PCCA: variants seen among roughly 807,000 people sequenced by gnomAD.
The protein encoded by PCCA is propionyl-CoA carboxylase alpha chain, mitochondrial.
In PCCA, 74 loss-of-function variants were observed where a neutral mutation model predicts 101.3. The observed-to-expected ratio is 0.73, with a 90% CI of 0.61 to 0.89. The LOEUF is 0.89. PCCA is among the 40% of genes least tolerant of loss of function. PCCA has a pLI of 0.00. For missense variants in PCCA, 891 were observed against 907.0 expected (o/e 0.98, Z 0.23); for synonymous variants, 294 against 313.6 (o/e 0.94, Z 0.66).
intron 16 of PCCA, among the ~76,000 whole-genome samples, chr13:100,310,556 T>C (rs1398388078): frequency 6.6e-6 from 1 of 152,186 alleles, no homozygotes; most frequent in African/African-American, 2.4e-5. Context: ...ATCTGGGCAG[T>C]TTGTCAAAAT....
intron 17 of PCCA, among the ~76,000 whole-genome samples, chr13:100,337,386 C>T (rs906736056): frequency 2.0e-5 from 3 of 152,128 alleles, no homozygotes; most frequent in East Asian, 1.9e-4. Context: ...CAGTGGAGAC[C>T]GTTCAAAGGG....
intron 19 of PCCA, among the ~76,000 whole-genome samples, chr13:100,384,951 G>GT (rs1662883644): frequency 1.3e-5 from 2 of 151,990 alleles, no homozygotes; most frequent in Admixed American, 1.3e-4. Context: ...ATTGAGGTAA[G>GT]TTTTTTGAAG....
At chr13:100,200,634 ATAT>A (rs1253421443) in intron 6 of PCCA, among the ~76,000 whole-genome samples, 1 of 150,336 alleles carries the variant, frequency 6.7e-6, no homozygotes, top group African/African-American at 2.4e-5. Flanking sequence ...TATCTTAACT[ATAT>A]TATATTAATA....
intron 4 of PCCA, among the ~76,000 whole-genome samples, chr13:100,140,318 T>C (rs985564934): frequency 6.6e-6 from 1 of 152,214 alleles, no homozygotes; most frequent in Non-Finnish European, 1.5e-5. Flanking sequence ...AAGAAGAATG[T>C]TTCTTCTCTC....
chr13:100,517,808 C>T (rs2086944707), intron 22 of PCCA, among the ~76,000 whole-genome samples: 1 of 152,198 alleles, frequency 6.6e-6, no homozygotes, highest in Non-Finnish European at 1.5e-5. Context: ...TCCCAAACCA[C>T]TAATACCGAA....
At chr13:100,105,844 C>CAAAAAAAA (rs71114671) in intron 2 of PCCA, among the ~76,000 whole-genome samples, 17 of 62,500 alleles carry the variant, frequency 2.7e-4, no homozygotes, top group South Asian at 1.4e-3. Context: ...GATCCTGTCT[C>CAAAAAAAA]AAAAAAAAAA....
At chr13:100,355,648 T>G (rs1217399803) in intron 18 of PCCA, among the ~76,000 whole-genome samples, 2 of 152,114 alleles carry the variant, frequency 1.3e-5, no homozygotes, top group Non-Finnish European at 2.9e-5. Context: ...AAAATGTTGT[T>G]GAAATAAAGA....
chr13:100,324,008 A>G (rs2068361961), intron 16 of PCCA, among the ~76,000 whole-genome samples: 1 of 152,198 alleles, frequency 6.6e-6, no homozygotes, highest in African/African-American at 2.4e-5. Flanking sequence ...TAAAATCAGA[A>G]TCATACTTCG....
At chr13:100,150,734 A>G (rs2152372543) in intron 4 of PCCA, 1 of 1,585,832 alleles carries the variant, frequency 6.3e-7, no homozygotes, top group East Asian at 2.2e-5. Context: ...ATCTTCACCA[A>G]CCCAGTAAGA....
intron 2 of PCCA, among the ~76,000 whole-genome samples, chr13:100,103,470 C>G (rs781074357): frequency 1.3e-5 from 2 of 151,390 alleles, no homozygotes; most frequent in African/African-American, 2.4e-5. Context: ...CACCACTGCA[C>G]CTGGCTAACA....
At chr13:100,259,047 C>G (rs1229130905) in intron 9 of PCCA, among the ~76,000 whole-genome samples, 2 of 152,154 alleles carry the variant, frequency 1.3e-5, no homozygotes, top group African/African-American at 4.8e-5. Flanking sequence ...CATGCCTATG[C>G]TTGTCTTTTG....
intron 7 of PCCA, among the ~76,000 whole-genome samples, chr13:100,227,371 T>C (rs944689902): frequency 2.6e-5 from 4 of 152,306 alleles, no homozygotes; most frequent in Non-Finnish European, 4.4e-5. Flanking sequence ...GGCACCAGAT[T>C]TTTGTTAACT....
intron 8 of PCCA, among the ~76,000 whole-genome samples, chr13:100,247,241 A>G (rs1308055801): frequency 2.4e-5 from 3 of 125,692 alleles, no homozygotes; most frequent in Non-Finnish European, 3.2e-5. Flanking sequence ...TTTTTGAGAC[A>G]GAGTCTCACT....
At chr13:100,200,358 C>A (rs2152461987) in intron 6 of PCCA, among the ~76,000 whole-genome samples, 1 of 152,252 alleles carries the variant, frequency 6.6e-6, no homozygotes, top group East Asian at 1.9e-4. Flanking sequence ...CCCGCCTTGG[C>A]CTCCCAAAGT....
intron 6 of PCCA, among the ~76,000 whole-genome samples, chr13:100,160,493 ACT>A (rs900072340): frequency 6.9e-6 from 1 of 145,718 alleles, no homozygotes; most frequent in Non-Finnish European, 1.5e-5. Flanking sequence ...ACAGAGCGAG[ACT>A]CTGTCTAAAA....
intron 4 of PCCA, chr13:100,154,748 A>T: frequency 2.0e-6 from 1 of 507,902 alleles, no homozygotes; most frequent in Non-Finnish European, 3.6e-6. Flanking sequence ...AGGGGATATT[A>T]TGGAAATTAT....
chr13:100,352,420 T>C (rs1004761816), intron 18 of PCCA, among the ~76,000 whole-genome samples: 7 of 148,886 alleles, frequency 4.7e-5, no homozygotes, highest in African/African-American at 1.7e-4. Context: ...TTTTTTGAGA[T>C]AGGGTCTTGC....
At chr13:100,349,703 T>A (rs1271725319) in intron 18 of PCCA, among the ~76,000 whole-genome samples, 7 of 152,224 alleles carry the variant, frequency 4.6e-5, no homozygotes, top group Admixed American at 6.5e-5. Context: ...AATAAAGCAC[T>A]CCCTTTGGTG....
chr13:100,364,004 T>C (rs1365730556), intron 18 of PCCA, among the ~76,000 whole-genome samples: 2 of 152,220 alleles, frequency 1.3e-5, no homozygotes, highest in Non-Finnish European at 2.9e-5. Flanking sequence ...TGGCTGATGA[T>C]AAAGTGGACA....
Sources: allele counts gnomAD v4.1 joint callset (sites outside exome capture counted in the v4.1 genomes callset), GRCh38; gene constraint gnomAD v4.1.1; transcripts MANE v1.5; gene names NCBI Gene and HGNC (gene_info 2026-07-23, HGNC 2026-07-21).